SLC25A36: variants seen among roughly 807,000 people sequenced by gnomAD.
The protein encoded by SLC25A36 is epididymis secretory sperm binding protein.
SLC25A36 carries 24 observed loss-of-function variants against 35.3 expected under a neutral mutation model. That is an observed-to-expected ratio of 0.68 (90% CI 0.49 to 0.96). The LOEUF (loss-of-function observed/expected upper bound fraction) is 0.96, where lower values mean the gene tolerates loss of function less well. Ranked by LOEUF, SLC25A36 falls within the 40% of genes least tolerant of loss-of-function variation. The pLI, the probability that SLC25A36 is intolerant of heterozygous loss-of-function variation, is 0.00. For synonymous variants in SLC25A36, 141 were observed against 132.2 expected, an observed-to-expected ratio of 1.07 and a Z score of -0.46; for missense variants, 294 against 381.1, an observed-to-expected ratio of 0.77 and a Z score of 1.90.
chr3:140,962,603 A>G (rs1465539363), intron 3 of SLC25A36, among the ~76,000 whole-genome samples: 1 of 152,124 alleles, frequency 6.6e-6, no homozygotes, highest in Non-Finnish European at 1.5e-5. Flanking sequence ...TTTAGCATAT[A>G]CTTTAATCAG....
chr3:140,948,586 A>C (rs762286047), intron 1 of SLC25A36, among the ~76,000 whole-genome samples: 1 of 152,222 alleles, frequency 6.6e-6, no homozygotes. Flanking sequence ...AAAGCTAAAC[A>C]CTGCTTAAAG....
intron 4 of SLC25A36, chr3:140,967,887 A>T (rs1366997335): frequency 4.5e-6 from 3 of 667,972 alleles, no homozygotes; most frequent in African/African-American, 2.0e-5. Context: ...ATGTCGTCTT[A>T]AGTTCATTTT....
intron 1 of SLC25A36, among the ~76,000 whole-genome samples, chr3:140,952,681 G>A (rs529284758): frequency 1.3e-5 from 2 of 152,228 alleles, no homozygotes; most frequent in South Asian, 2.1e-4. Flanking sequence ...TACAACAAGC[G>A]TGTGAGGCAT....
In SLC25A36 at chr3:140,979,655, A is replaced by G. The variant is rs1935139397; in HGVS notation, c.*3202A>G. 1 of 152,120 alleles carries G rather than the reference A, an allele frequency of 6.6e-6. No individual in the cohort carries two copies. 9.4% of individuals were successfully genotyped at this position (152,120 alleles called of 1,614,324 possible). On this transcript the variant is annotated 3_prime_UTR_variant, in exon 7 of 7. Transcript: ENST00000324194. ...GTATTTCCCATTAACCTACACACTG[A>G]TTTTTATGCTACTCCTTGTAGAAAC... is the stretch of plus-strand genomic sequence containing the variant.
chr3:140,966,194 T>A (rs1934753763), intron 4 of SLC25A36: 1 of 155,484 alleles, frequency 6.4e-6, no homozygotes, highest in African/African-American at 2.4e-5. Flanking sequence ...TAATAAAGGC[T>A]TTTACTCATT....
intron 1 of SLC25A36, among the ~76,000 whole-genome samples, chr3:140,944,224 G>A (rs1401212340): frequency 1.3e-5 from 2 of 152,182 alleles, no homozygotes; most frequent in Admixed American, 6.5e-5. Flanking sequence ...CCTTTAAGTT[G>A]TTTTTCTGAT....
intron 4 of SLC25A36, among the ~76,000 whole-genome samples, chr3:140,969,519 T>C (rs1934848104): frequency 1.3e-5 from 2 of 152,038 alleles, no homozygotes; most frequent in Admixed American, 6.6e-5. Flanking sequence ...GTATCCCATT[T>C]ATCTTGCTTG....
intron 1 of SLC25A36, among the ~76,000 whole-genome samples, chr3:140,955,635 A>G (rs953823057): frequency 6.6e-6 from 1 of 152,146 alleles, no homozygotes; most frequent in African/African-American, 2.4e-5. Flanking sequence ...AAGCCTACCT[A>G]CATTGTACAG....
At chr3:140,959,174 C>G (rs1934566272) in intron 2 of SLC25A36, among the ~76,000 whole-genome samples, 1 of 151,840 alleles carries the variant, frequency 6.6e-6, no homozygotes, top group Non-Finnish European at 1.5e-5. Flanking sequence ...CACCACCATG[C>G]CCAGCTAATT....
intron 1 of SLC25A36, among the ~76,000 whole-genome samples, chr3:140,947,788 G>T (rs1040223862): frequency 3.3e-5 from 5 of 152,142 alleles, no homozygotes; most frequent in Non-Finnish European, 7.4e-5. Context: ...GGTCTATCAG[G>T]TATATAGATG....
chr3:140,959,851 G>GGT (rs1419034121), intron 3 of SLC25A36, among the ~76,000 whole-genome samples: 1 of 152,022 alleles, frequency 6.6e-6, no homozygotes, highest in Admixed American at 6.5e-5. Flanking sequence ...TGAGGGAGAA[G>GGT]GTATAGTATT....
At position 140,977,231 on chromosome 3, in the gene SLC25A36, T is replaced by C. The variant is rs1935071872; in HGVS notation, c.*778T>C. The C allele has an allele frequency of 6.6e-6, 1 of 152,196 alleles. No homozygotes were observed. Among genetic ancestry groups the C allele is most frequent in the Non-Finnish European group, 1.5e-5 (1 of 68,028 alleles). The allele number at this position is 152,196 out of a possible 1,614,324, so 9.4% of individuals were successfully genotyped here. A position where few individuals can be genotyped will look rare whatever the true frequency, so the allele number is the denominator to read the frequency against. On this transcript the variant is annotated 3_prime_UTR_variant, in exon 7 of 7. Transcript: ENST00000324194. The stretch of plus-strand genomic sequence containing the variant: ...GAATGCATTTATCTTTTTAGTGACT[T>C]ACTAGTTACGAACTTGAATTATCAC...
At chr3:140,967,983 T>C (rs1354538470) in intron 4 of SLC25A36, 1 of 984,860 alleles carries the variant, frequency 1.0e-6, no homozygotes, top group East Asian at 1.1e-4. Context: ...TAAAAAGTAA[T>C]AGGCAATTTC....
intron 1 of SLC25A36, among the ~76,000 whole-genome samples, chr3:140,947,842 C>A (rs1004804593): frequency 2.6e-5 from 4 of 152,200 alleles, no homozygotes; most frequent in African/African-American, 9.7e-5. Flanking sequence ...TGTCTAAACA[C>A]TAAAGCTTCA....
At chr3:140,943,919 T>C (rs1182637648) in intron 1 of SLC25A36, among the ~76,000 whole-genome samples, 1 of 152,198 alleles carries the variant, frequency 6.6e-6, no homozygotes, top group East Asian at 1.9e-4. Context: ...GGGAGGTGTT[T>C]GTAGCATCTA....
intron 1 of SLC25A36, among the ~76,000 whole-genome samples, chr3:140,946,905 A>AGTG (rs1322367402): frequency 1.3e-5 from 2 of 152,168 alleles, no homozygotes; most frequent in Non-Finnish European, 2.9e-5. Context: ...TTGGAACATA[A>AGTG]GTGGTGCCAT....
At chr3:140,970,039 CTG>C (rs1230439298) in intron 4 of SLC25A36, among the ~76,000 whole-genome samples, 3 of 151,878 alleles carry the variant, frequency 2.0e-5, no homozygotes, top group African/African-American at 7.2e-5. Context: ...GTCATCAAGA[CTG>C]TATTTTGTGT....
At chr3:140,974,960 T>C (rs973122308) in intron 6 of SLC25A36, among the ~76,000 whole-genome samples, 1 of 152,088 alleles carries the variant, frequency 6.6e-6, no homozygotes, top group African/African-American at 2.4e-5. Context: ...ATTGTTTAGA[T>C]ACTGACCTAT....
intron 1 of SLC25A36, among the ~76,000 whole-genome samples, chr3:140,955,069 A>G (rs901273406): frequency 6.6e-6 from 1 of 151,808 alleles, no homozygotes; most frequent in African/African-American, 2.4e-5. Flanking sequence ...AATGTTCTTT[A>G]TTTTTTAATA....
Sources: allele counts gnomAD v4.1 joint callset (sites outside exome capture counted in the v4.1 genomes callset), GRCh38; gene constraint gnomAD v4.1.1; transcripts MANE v1.5; gene names NCBI Gene and HGNC (gene_info 2026-07-23, HGNC 2026-07-21).